SLC1A6: variants seen among roughly 807,000 people sequenced by gnomAD.
SLC1A6 encodes the protein excitatory amino acid transporter 4.
SLC1A6 carries 15 observed loss-of-function variants against 42.1 expected under a neutral mutation model. That is an observed-to-expected ratio of 0.36 (90% CI 0.24 to 0.55). The LOEUF is 0.55. SLC1A6 is among the 20% of genes least tolerant of loss of function. The pLI, the probability that SLC1A6 is intolerant of heterozygous loss-of-function variation, is 0.88. For missense variants in SLC1A6, 542 were observed against 772.5 expected, an observed-to-expected ratio of 0.70 and a Z score of 3.54; for synonymous variants, 317 against 319.7, an observed-to-expected ratio of 0.99 and a Z score of 0.09.
intron 1 of SLC1A6, among the ~76,000 whole-genome samples, chr19:15,008,780 T>TA (rs1379275628): frequency 6.6e-6 from 1 of 151,888 alleles, no homozygotes; most frequent in Non-Finnish European, 1.5e-5. Context: ...GTCCAAGAGT[T>TA]TGAAACCAAC....
At chr19:14,970,904 C>A (rs578111920) in intron 3 of SLC1A6, among the ~76,000 whole-genome samples, 3 of 152,046 alleles carry the variant, frequency 2.0e-5, no homozygotes, top group Non-Finnish European at 2.9e-5. Context: ...GGCCGAGGTG[C>A]GCAGATCATG....
intron 9 of SLC1A6, 104 bp downstream of exon 9, chr19:14,952,824 A>T: frequency 7.1e-7 from 1 of 1,401,924 alleles, no homozygotes; most frequent in Non-Finnish European, 9.5e-7. Context: ...ATTCTGGACC[A>T]CTGCATCTTT....
intron 1 of SLC1A6, among the ~76,000 whole-genome samples, chr19:15,003,660 C>CAAAAAAAAA (rs371118940): frequency 6.6e-5 from 8 of 121,922 alleles, no homozygotes; most frequent in African/African-American, 1.9e-4. Flanking sequence ...CATGTAATGC[C>CAAAAAAAAA]AAAAAAAAAA....
At chr19:15,004,177 A>T (rs988826571) in intron 1 of SLC1A6, among the ~76,000 whole-genome samples, 18 of 152,132 alleles carry the variant, frequency 1.2e-4, no homozygotes, top group Admixed American at 5.2e-4. Flanking sequence ...ATAATGCATA[A>T]ATAAAATAAA....
At chr19:14,991,621 C>CAAA (rs34838245) in intron 1 of SLC1A6, among the ~76,000 whole-genome samples, 10,133 of 135,344 alleles carry the variant, frequency 0.075, 492 homozygotes, top group South Asian at 0.24. Flanking sequence ...GACTCTGTGT[C>CAAA]AAAAAAAAAA....
At chr19:14,962,440 C>T in intron 5 of SLC1A6, 95 bp from the exon 6 acceptor site, 2 of 819,364 alleles carry the variant, frequency 2.4e-6, no homozygotes, top group Non-Finnish European at 4.0e-6. Context: ...CCAGTTCCCA[C>T]ACCCTGGAAG....
chr19:14,959,861 C>A (rs571696641), intron 6 of SLC1A6, among the ~76,000 whole-genome samples: 1 of 152,198 alleles, frequency 6.6e-6, no homozygotes, highest in East Asian at 1.9e-4. Flanking sequence ...GCATTCACTG[C>A]GTACCCCTCT....
intron 1 of SLC1A6, among the ~76,000 whole-genome samples, chr19:15,008,432 G>T (rs955134611): frequency 2.0e-5 from 3 of 152,096 alleles, no homozygotes; most frequent in Admixed American, 2.0e-4. Context: ...AGGATGCAGA[G>T]AAAAGGGAAA....
At position 14,975,750 on chromosome 19, in the gene SLC1A6, C is replaced by CA. The variant is rs373107410; in HGVS notation, c.-7-2834dup. Among the ~76,000 whole-genome samples the CA allele has an allele frequency of 1.6e-3, 179 of 111,338 alleles. 1 individual carries two copies. The highest frequency in any genetic ancestry group is 5.9e-3 in the Admixed American group (59 of 9,998). 73.0% of individuals were successfully genotyped at this position (111,338 alleles called of 152,430 possible). A position where few individuals can be genotyped will look rare whatever the true frequency, so the allele number is the denominator to read the frequency against. On this transcript the variant is annotated intron_variant, in intron 1 of 9. Coordinates refer to ENST00000594383, the MANE Select transcript of SLC1A6 (RefSeq NM_005071.3). Reference sequence around the variant, plus strand: ...CCTGGGTGACAAAGCCAGACTTTGTCAAAAAAAAAAAAAAAGGAAAAAAAA... The same window carrying CA: ...CCTGGGTGACAAAGCCAGACTTTGTCAAAAAAAAAAAAAAAAGGAAAAAAAA...
At chr19:15,010,578 A>C (rs78628129) in exon 1 of SLC1A6, 91,996 of 655,392 alleles carry the variant, frequency 0.14, 7,605 homozygotes, top group East Asian at 0.23. Flanking sequence ...AACGGCGAGA[A>C]GGATGCTAGA....
In SLC1A6 at chr19:14,968,631, A is replaced by G. The variant is rs377732124; in HGVS notation, c.344-124T>C. On this transcript the variant is annotated intron_variant, in intron 3 of 9. Transcript: ENST00000594383. ...CGACCCACCAAGCATCCCTTTTCCT[A>G]TAGCCCACCCCAAAACCCACCCATT... 2.6e-5 allele frequency: 21 copies of G among 809,344 alleles called. No homozygotes were observed. The East Asian group carries it at 2.7e-4, about 10-fold the overall frequency. The allele number at this position is 809,344 out of a possible 1,614,324, so 50.1% of individuals were successfully genotyped here.
chr19:15,004,628 G>T (rs1231849877), intron 1 of SLC1A6, among the ~76,000 whole-genome samples: 2 of 151,350 alleles, frequency 1.3e-5, no homozygotes, highest in Non-Finnish European at 2.9e-5. Context: ...GAGACCAGGA[G>T]TTGGAGGCTT....
chr19:14,954,132 C>G lies in SLC1A6; in HGVS notation c.1364+3G>C. Reference sequence around the variant, plus strand: ...CTGGCAGGTCCTACCCAAGCCCCCTCACCTGATGGTTGTGATCTGACCCAG... The same window carrying G: ...CTGGCAGGTCCTACCCAAGCCCCCTGACCTGATGGTTGTGATCTGACCCAG... On this transcript the variant is annotated splice_donor_region_variant and intron_variant, in intron 8 of 9. Coordinates refer to ENST00000594383, the MANE Select transcript of SLC1A6 (RefSeq NM_005071.3). 2 of 1,591,480 alleles carry G rather than the reference C, an allele frequency of 1.3e-6. No individual in the cohort carries two copies. Among genetic ancestry groups the G allele is most frequent in the Non-Finnish European group, 1.7e-6 (2 of 1,167,170 alleles).
upstream of SLC1A6, among the ~76,000 whole-genome samples, chr19:14,980,654 C>CAAAA (rs35361239): frequency 8.0e-6 from 1 of 125,408 alleles, no homozygotes; most frequent in East Asian, 2.4e-4. Flanking sequence ...GAGACTCCGT[C>CAAAA]AAAAAAAAAA....
intron 1 of SLC1A6, among the ~76,000 whole-genome samples, chr19:15,005,495 G>A (rs1282433238): frequency 4.6e-5 from 7 of 152,058 alleles, no homozygotes; most frequent in Non-Finnish European, 1.0e-4. Context: ...GGCAACAAGA[G>A]TGAAACTCCT....
At chr19:15,002,693 T>C (rs1348698855) in intron 1 of SLC1A6, among the ~76,000 whole-genome samples, 2 of 152,102 alleles carry the variant, frequency 1.3e-5, no homozygotes, top group Non-Finnish European at 2.9e-5. Context: ...GAGGGGTGGA[T>C]GGCGGACAAC....
At chr19:14,950,518 A>G (rs2045400979) in intron 9 of SLC1A6, 128 bp from the exon 10 acceptor site, 1 of 552,096 alleles carries the variant, frequency 1.8e-6, no homozygotes. Flanking sequence ...ATCCATGACC[A>G]CATGTCCCCA....
At chr19:14,984,159 A>G (rs912233549), upstream of SLC1A6, among the ~76,000 whole-genome samples, 9 of 152,054 alleles carry the variant, frequency 5.9e-5, no homozygotes, top group Admixed American at 4.6e-4. Flanking sequence ...AAAATACAAA[A>G]TTAGCCAGGT....
intron 1 of SLC1A6, chr19:14,974,114 T>C (rs1192753806): frequency 6.6e-6 from 1 of 152,098 alleles, no homozygotes; most frequent in Non-Finnish European, 1.5e-5. Flanking sequence ...CCCAGCACTT[T>C]GGGAGGCCGA....
Sources: gnomAD v4.1 joint callset for allele counts (sites outside exome capture counted in the v4.1 genomes callset) on GRCh38, gnomAD v4.1.1 for gene constraint, MANE v1.5 for transcripts, NCBI Gene and HGNC (gene_info 2026-07-23, HGNC 2026-07-21) for gene names.